Variants in MDN1 observed in about 807,000 individuals in gnomAD.
MDN1 encodes the protein midasin AAA ATPase 1.
In MDN1, 266 loss-of-function variants were observed where a neutral mutation model predicts 669.2. The observed-to-expected ratio is 0.40, with a 90% confidence interval of 0.36 to 0.44. The LOEUF (loss-of-function observed/expected upper bound fraction) is 0.44, where lower values mean the gene tolerates loss of function less well. MDN1 is among the 20% of genes least tolerant of loss of function. The pLI, the probability that MDN1 is intolerant of heterozygous loss-of-function variation, is 1.00. For missense variants in MDN1, 5,940 were observed against 6,754.0 expected, an observed-to-expected ratio of 0.88 and a Z score of 4.22; for synonymous variants, 2,385 against 2,457.1, an observed-to-expected ratio of 0.97 and a Z score of 0.87.
intron 52 of MDN1, among the ~76,000 whole-genome samples, chr6:89,706,824 A>G (rs1813547362): frequency 6.6e-6 from 1 of 152,114 alleles, no homozygotes; most frequent in Non-Finnish European, 1.5e-5. Flanking sequence ...TAATACCAAT[A>G]GATATGAGAA....
chr6:89,772,240 C>A (rs1383836164), intron 14 of MDN1, among the ~76,000 whole-genome samples: 1 of 152,200 alleles, frequency 6.6e-6, no homozygotes, highest in South Asian at 2.1e-4. Flanking sequence ...GGGCTCGCCA[C>A]TGCACTCCAG....
intron 5 of MDN1, among the ~76,000 whole-genome samples, chr6:89,790,849 C>T (rs1819232087): frequency 6.6e-6 from 1 of 152,106 alleles, no homozygotes; most frequent in Non-Finnish European, 1.5e-5. Flanking sequence ...GGTGAAACAC[C>T]ATCTCTACTG....
Position 89,794,964 on chromosome 6 carries a change from G to C in MDN1, c.330-163C>G, listed in dbSNP as rs554541921. Among the ~76,000 whole-genome samples the C allele has an allele frequency of 1.5e-4, 23 of 152,262 alleles. No homozygotes were observed. In the South Asian group the frequency reaches 4.8e-3, roughly 32 times the overall value. ...TTGATTGGTGGGAATATCATAGAAC[G>C]CAATTCTCTACTCTGACCAAACCAC... On this transcript the variant is annotated intron_variant, in intron 2 of 101. Transcript: ENST00000369393.
Position 89,655,659 on chromosome 6 carries a change from C to A in MDN1, c.15490+105G>T, listed in dbSNP as rs554541071. ...TAAACATTGTATACATGTATCAAAA[C>A]CTCACACTGTACCCCACAAATACGT... On this transcript the variant is annotated intron_variant, in intron 92 of 101. Coordinates refer to ENST00000369393, the MANE Select transcript of MDN1 (RefSeq NM_014611.3). 654 of 1,098,372 alleles carry A rather than the reference C, an allele frequency of 6.0e-4. 2 individuals carry two copies. The African/African-American group carries it at 9.5e-3, about 16-fold the overall frequency. 68.0% of individuals were successfully genotyped at this position (1,098,372 alleles called of 1,614,324 possible).
At chr6:89,773,489 G>A (rs1367942417) in intron 13 of MDN1, among the ~76,000 whole-genome samples, 3 of 145,946 alleles carry the variant, frequency 2.1e-5, no homozygotes, top group Non-Finnish European at 3.0e-5. Context: ...GCAGTGAGCT[G>A]AGATCGCACC....
chr6:89,727,895 C>T lies in MDN1; in HGVS notation c.5410G>A (p.Ala1804Thr). 2 of 1,614,042 alleles carry T rather than the reference C, an allele frequency of 1.2e-6. No individual in the cohort carries two copies. Among genetic ancestry groups the T allele is most frequent in the East Asian group, 4.5e-5 (2 of 44,868 alleles). Residue 1804 changes from alanine (A) to threonine (T), a missense_variant, in exon 37 of 102, where the codon GCC (alanine) becomes ACC (threonine). By Grantham distance (58) the Ala-to-Thr change is moderately conservative. Coordinates refer to ENST00000369393, the MANE Select transcript of MDN1 (RefSeq NM_014611.3). Reference protein sequence around the residue: ...PVEGGKGGEFAWRDGPLLAAL... With the variant: ...PVEGGKGGEFTWRDGPLLAAL... Reference sequence around the variant, plus strand: ...GCCAGTAAGGGGCCATCACGCCAGGCAAACTCTCCTCCCTTGCCACCTTCA... The same window carrying T: ...GCCAGTAAGGGGCCATCACGCCAGGTAAACTCTCCTCCCTTGCCACCTTCA...
chr6:89,670,420 C>T (rs1288249138), intron 83 of MDN1, among the ~76,000 whole-genome samples: 2 of 151,682 alleles, frequency 1.3e-5, no homozygotes, highest in Admixed American at 1.3e-4. Context: ...TCAGGTGATC[C>T]ACCCGCCTCA....
At chr6:89,670,834 T>G in intron 83 of MDN1, 85 bp downstream of exon 83, 1 of 1,433,390 alleles carries the variant, frequency 7.0e-7, no homozygotes, top group Admixed American at 2.1e-5. Context: ...TGGTCCAAAA[T>G]AAAAGCCTAT....
chr6:89,706,084 A>G lies in MDN1; in HGVS notation c.8123T>C (p.Met2708Thr), dbSNP rs1813493791. The G allele has an allele frequency of 6.2e-7, 1 of 1,609,562 alleles. No homozygotes were observed. The highest frequency in any genetic ancestry group is 1.7e-5 in the Admixed American group (1 of 59,712). The part of the protein sequence containing the change: ...VLLWVQSSQG[M>T]VSDASANEIL... ...CTCATTGGCACTGGCATCAGACACCATTCCCTGGGAGGACTGTACCCAGAG... is the reference window on the plus strand; with the variant it reads ...CTCATTGGCACTGGCATCAGACACCGTTCCCTGGGAGGACTGTACCCAGAG... The change falls in exon 53 of 102, where the codon ATG becomes ACG. Residue 2708 changes from methionine (M) to threonine (T), a missense_variant. Physicochemically the swap from Met to Thr is moderately conservative, Grantham distance 81 (BLOSUM62 -1). Transcript: ENST00000369393.
chr6:89,714,768 T>A lies in MDN1; in HGVS notation c.6861-17A>T, dbSNP rs1271806407. 5 of 1,595,080 alleles carry A rather than the reference T, an allele frequency of 3.1e-6. No homozygotes were observed. The highest frequency in any genetic ancestry group is 1.7e-4 in the Middle Eastern group (1 of 5,934). Reference sequence around the variant, plus strand: ...AGGAAAAGTCTAGAAAAATAGCAATTCAAAGAAAAAAATGATTTTAAATCC... The same window carrying A: ...AGGAAAAGTCTAGAAAAATAGCAATACAAAGAAAAAAATGATTTTAAATCC... On this transcript the variant is annotated splice_polypyrimidine_tract_variant and intron_variant, in intron 45 of 101. Coordinates refer to ENST00000369393, the MANE Select transcript of MDN1 (RefSeq NM_014611.3).
chr6:89,685,634 T>C (rs1457015572), intron 70 of MDN1, among the ~76,000 whole-genome samples, 193 bp downstream of exon 70: 4 of 152,228 alleles, frequency 2.6e-5, no homozygotes, highest in Non-Finnish European at 5.9e-5. Flanking sequence ...CACTAGTCAG[T>C]ACTAAACTTA....
intron 95 of MDN1, among the ~76,000 whole-genome samples, chr6:89,651,087 G>A (rs1442324960): frequency 2.0e-5 from 3 of 151,792 alleles, no homozygotes; most frequent in East Asian, 3.9e-4. Context: ...AGGCCGAGGC[G>A]GGTGGATCAC....
intron 96 of MDN1, 76 bp downstream of exon 96, chr6:89,650,656 G>C (rs1256553934): frequency 9.0e-7 from 1 of 1,107,280 alleles, no homozygotes; most frequent in Non-Finnish European, 1.3e-6. Context: ...AAATGGTTAG[G>C]TGCCGCGTTC....
In MDN1 at chr6:89,819,669, A is replaced by G. The variant is rs570361745; in HGVS notation, c.-62T>C. The G allele has an allele frequency of 3.6e-3, 5,171 of 1,422,560 alleles. 13 individuals carry two copies. Among genetic ancestry groups the G allele is most frequent in the Non-Finnish European group, 4.2e-3 (4,311 of 1,020,648 alleles). 88.1% of individuals were successfully genotyped at this position (1,422,560 alleles called of 1,614,324 possible). ...CCCTACTTCGCGGCCAGCGTCCCCA[A>G]GCCGCCGAGGTCCCAGTGCCCGAGC... On this transcript the variant is annotated 5_prime_UTR_variant, in exon 1 of 102. Coordinates refer to ENST00000369393, the MANE Select transcript of MDN1 (RefSeq NM_014611.3).
At chr6:89,692,016 T>C (rs935337348) in intron 63 of MDN1, among the ~76,000 whole-genome samples, 3 of 152,216 alleles carry the variant, frequency 2.0e-5, no homozygotes, top group Admixed American at 1.3e-4. Context: ...TGGAATGGGA[T>C]ACCTGGTATG....
At chr6:89,677,792 A>G (rs1811313002) in intron 75 of MDN1, 96 bp from the exon 76 acceptor site, 1 of 1,518,650 alleles carries the variant, frequency 6.6e-7, no homozygotes, top group Non-Finnish European at 9.0e-7. Context: ...TCTTCTAAAC[A>G]GCATCACCTG....
intron 40 of MDN1, 34 bp from the exon 41 acceptor site, chr6:89,719,259 A>C: frequency 1.3e-6 from 2 of 1,544,282 alleles, no homozygotes; most frequent in Non-Finnish European, 1.8e-6. Flanking sequence ...GAAAACACAA[A>C]TCACTCCACC....
At chr6:89,753,698 T>A in intron 21 of MDN1, 76 bp from the exon 22 acceptor site, 1 of 1,207,506 alleles carries the variant, frequency 8.3e-7, no homozygotes, top group Non-Finnish European at 1.2e-6. Flanking sequence ...CAGAACAAAA[T>A]TTAACCTCTT....
Position 89,723,512 on chromosome 6 carries a change from T to C in MDN1, c.5778A>G (p.Gln1926=), listed in dbSNP as rs1814982511. 1.3e-6 allele frequency: 2 copies of C among 1,528,094 alleles called. No homozygotes were observed. Among genetic ancestry groups the C allele is most frequent in the African/African-American group, 1.4e-5 (1 of 72,490 alleles). 94.7% of individuals were successfully genotyped at this position (1,528,094 alleles called of 1,614,324 possible). The change falls in exon 39 of 102, where the codon CAA becomes CAG. Residue 1926 remains glutamine (Q), a splice_region_variant and synonymous_variant. Transcript: ENST00000369393. ...GAAACCAATACGTGTAGGTACTTAC[T>C]TGGTTATTGAAAGCAACCATTTTCT... ...IVKKMVAFNN[Q]IDHEVTVEKK...
Sources: gnomAD v4.1 joint callset for allele counts (sites outside exome capture counted in the v4.1 genomes callset) on GRCh38, gnomAD v4.1.1 for gene constraint, MANE v1.5 for transcripts, NCBI Gene and HGNC (gene_info 2026-07-23, HGNC 2026-07-21) for gene names.